Variants in PCDH15 observed in about 807,000 individuals in gnomAD.
PCDH15 encodes the protein protocadherin-15.
PCDH15 carries 129 observed loss-of-function variants against 178.5 expected under a neutral mutation model. That is an observed-to-expected ratio of 0.72 (90% CI 0.63 to 0.84). The LOEUF is 0.84. Among genes scored for constraint, PCDH15 ranks in the 40% least tolerant of loss-of-function variants. The pLI, the probability that PCDH15 is intolerant of heterozygous loss-of-function variation, is 0.00. For missense variants in PCDH15, 2,230 were observed against 2,099.9 expected, an observed-to-expected ratio of 1.06 and a Z score of -1.21; for synonymous variants, 800 against 732.0, an observed-to-expected ratio of 1.09 and a Z score of -1.50.
At chr10:55,389,119 A>T (rs978620271) in intron 2 of PCDH15, among the ~76,000 whole-genome samples, 3 of 152,238 alleles carry the variant, frequency 2.0e-5, no homozygotes, top group Admixed American at 1.3e-4. Context: ...CCAATGATGA[A>T]TCAACCTTTT....
chr10:55,024,949 A>G (rs1840437933), intron 2 of PCDH15, among the ~76,000 whole-genome samples: 1 of 152,056 alleles, frequency 6.6e-6, no homozygotes, highest in African/African-American at 2.4e-5. Flanking sequence ...TTTTTTAATC[A>G]AAACAGGATT....
intron 2 of PCDH15, among the ~76,000 whole-genome samples, chr10:55,019,878 T>G (rs1057394182): frequency 6.6e-6 from 1 of 151,622 alleles, no homozygotes; most frequent in African/African-American, 2.4e-5. Context: ...GAATAGATAT[T>G]AAGAATAAAA....
intron 1 of PCDH15, among the ~76,000 whole-genome samples, chr10:54,756,097 A>AC (rs1555182911): frequency 1.4e-5 from 2 of 144,506 alleles, no homozygotes; most frequent in African/African-American, 2.5e-5. Context: ...ACACACACAC[A>AC]AAATTAGCTG....
At chr10:54,509,960 T>C (rs2081500508) in intron 3 of PCDH15, among the ~76,000 whole-genome samples, 2 of 152,184 alleles carry the variant, frequency 1.3e-5, no homozygotes. Context: ...GCTGTTGCGA[T>C]GTTCTGGATG....
chr10:54,944,157 T>C (rs1332882921), intron 2 of PCDH15, among the ~76,000 whole-genome samples: 1 of 151,952 alleles, frequency 6.6e-6, no homozygotes, highest in African/African-American at 2.4e-5. Context: ...ACTCATTTTT[T>C]AGAATTCCCC....
chr10:55,436,434 A>G (rs969023232), intron 2 of PCDH15, among the ~76,000 whole-genome samples: 2 of 152,274 alleles, frequency 1.3e-5, no homozygotes, highest in African/African-American at 4.8e-5. Context: ...ACATTATGAC[A>G]TATAAGTTAT....
intron 8 of PCDH15, among the ~76,000 whole-genome samples, chr10:54,243,084 T>C (rs1456837205): frequency 6.6e-6 from 1 of 152,196 alleles, no homozygotes; most frequent in East Asian, 1.9e-4. Flanking sequence ...ATACCTAAGT[T>C]ATTGAATTTA....
intron 2 of PCDH15, among the ~76,000 whole-genome samples, chr10:54,899,465 C>T (rs569500162): frequency 2.2e-5 from 3 of 138,592 alleles, no homozygotes; most frequent in Admixed American, 7.2e-5. Flanking sequence ...TAATTCCCCT[C>T]CCCTCCCCTC....
At chr10:54,195,380 T>C (rs1199232134) in intron 11 of PCDH15, among the ~76,000 whole-genome samples, 1 of 152,172 alleles carries the variant, frequency 6.6e-6, no homozygotes, top group Non-Finnish European at 1.5e-5. Flanking sequence ...TCAATAATTA[T>C]ATAAAACAGT....
chr10:54,697,180 T>C (rs7068101), intron 1 of PCDH15, among the ~76,000 whole-genome samples: 89,982 of 151,352 alleles, frequency 0.59, 27,341 homozygotes, highest in Non-Finnish European at 0.67. Flanking sequence ...AGATAAAAAA[T>C]AGTAACAAAT....
intron 2 of PCDH15, among the ~76,000 whole-genome samples, chr10:54,951,258 A>G (rs560941239): frequency 4.0e-5 from 6 of 151,870 alleles, no homozygotes; most frequent in Admixed American, 1.3e-4. Context: ...GAAATCACTG[A>G]AAGTTTTACA....
chr10:54,628,922 C>T (rs573639114), intron 2 of PCDH15, among the ~76,000 whole-genome samples: 1 of 152,176 alleles, frequency 6.6e-6, no homozygotes, highest in East Asian at 1.9e-4. Flanking sequence ...CAAAAATTTA[C>T]ACTAATTAGT....
intron 2 of PCDH15, among the ~76,000 whole-genome samples, chr10:55,536,849 A>G (rs1195845821): frequency 1.3e-5 from 2 of 152,174 alleles, no homozygotes; most frequent in Admixed American, 6.6e-5. Context: ...TGCAACTTCT[A>G]TCTGCATATA....
At chr10:54,114,871 A>C (rs1280016888) in intron 15 of PCDH15, among the ~76,000 whole-genome samples, 1 of 152,186 alleles carries the variant, frequency 6.6e-6, no homozygotes, top group Non-Finnish European at 1.5e-5. Context: ...AAAGGATGAG[A>C]AGTAGGAGAT....
intron 1 of PCDH15, among the ~76,000 whole-genome samples, chr10:54,752,516 AC>A (rs1307261410): frequency 0.052 from 4,878 of 94,332 alleles, 670 homozygotes; most frequent in African/African-American, 0.11. Flanking sequence ...CAAAAAACAA[AC>A]AAACAAACAA....
At chr10:53,821,729 A>C (rs1176874934) in intron 32 of PCDH15, 1 of 1,518,156 alleles carries the variant, frequency 6.6e-7, no homozygotes, top group African/African-American at 1.4e-5. Context: ...ATTAAAAACG[A>C]GAAAAAAAAC....
chr10:54,139,345 T>C (rs1365185065), intron 14 of PCDH15, among the ~76,000 whole-genome samples: 2 of 152,118 alleles, frequency 1.3e-5, no homozygotes, highest in African/African-American at 4.8e-5. Flanking sequence ...CTTTAAATGA[T>C]GGTGTCTAAT....
rs529359914 is a variant in PCDH15, at chr10:54,586,164, A to G, written c.92-58287T>C. Among the ~76,000 whole-genome samples, 185 of 152,238 alleles carry G rather than the reference A, an allele frequency of 1.2e-3. 1 individual carries two copies. Among genetic ancestry groups the G allele is most frequent in the African/African-American group, 4.2e-3 (173 of 41,554 alleles). ...ATCAGTTATTGCTGTTCCATTACAG[A>G]TGGGATTTAGGGAAAGTGGAGTAAA... On this transcript the variant is annotated intron_variant, in intron 2 of 37. Transcript: ENST00000644397.
At chr10:54,890,233 T>G (rs1954435951) in intron 3 of PCDH15, among the ~76,000 whole-genome samples, 1 of 152,024 alleles carries the variant, frequency 6.6e-6, no homozygotes. Flanking sequence ...GATAAAGATG[T>G]AGCTGTAATG....
Sources: gnomAD v4.1 joint callset for allele counts (sites outside exome capture counted in the v4.1 genomes callset) on GRCh38, gnomAD v4.1.1 for gene constraint, MANE v1.5 for transcripts, NCBI Gene and HGNC (gene_info 2026-07-23, HGNC 2026-07-21) for gene names.